GPC5: variants seen among roughly 807,000 people sequenced by gnomAD.
GPC5 encodes the protein glypican-5.
A neutral mutation model predicts 53.9 loss-of-function variants in GPC5; 47 were observed. That is an observed-to-expected ratio of 0.87 (90% CI 0.69 to 1.11). GPC5 has a LOEUF of 1.11. Among genes scored for constraint, GPC5 ranks in the 50% most tolerant of loss-of-function variants. GPC5 has a pLI of 0.00. For synonymous variants in GPC5, 286 were observed against 263.3 expected, an observed-to-expected ratio of 1.09 and a Z score of -0.84; for missense variants, 748 against 713.1, an observed-to-expected ratio of 1.05 and a Z score of -0.56.
intron 6 of GPC5, among the ~76,000 whole-genome samples, chr13:92,052,911 A>T (rs1272619547): frequency 6.6e-6 from 1 of 152,172 alleles, no homozygotes; most frequent in Non-Finnish European, 1.5e-5. Context: ...AGGGTCCCGA[A>T]AAGCAAAAGA....
At chr13:91,560,788 A>T (rs1045207046) in intron 2 of GPC5, among the ~76,000 whole-genome samples, 14 of 113,036 alleles carry the variant, frequency 1.2e-4, no homozygotes, top group East Asian at 3.1e-4. Context: ...TGTTATAATT[A>T]AAAAAAAAAT....
chr13:92,243,457 G>A (rs995105835), intron 7 of GPC5, among the ~76,000 whole-genome samples: 3 of 152,120 alleles, frequency 2.0e-5, no homozygotes, highest in African/African-American at 4.8e-5. Context: ...TAGGACAGAG[G>A]CGTGAGCATG....
At chr13:91,618,243 T>C (rs1271360426) in intron 2 of GPC5, among the ~76,000 whole-genome samples, 3 of 152,134 alleles carry the variant, frequency 2.0e-5, no homozygotes, top group Admixed American at 6.6e-5. Flanking sequence ...AGGAGAGGCA[T>C]GGGAGTTCAA....
chr13:92,146,517 T>G (rs1026679297), intron 7 of GPC5, among the ~76,000 whole-genome samples: 1 of 152,154 alleles, frequency 6.6e-6, no homozygotes, highest in African/African-American at 2.4e-5. Flanking sequence ...TTTATTATTT[T>G]TTAATTTCCT....
chr13:92,137,910 A>G (rs2041797654), intron 6 of GPC5, among the ~76,000 whole-genome samples: 1 of 152,172 alleles, frequency 6.6e-6, no homozygotes, highest in African/African-American at 2.4e-5. Flanking sequence ...AATGTAAACT[A>G]TGGATTCTGG....
At chr13:92,832,321 C>A (rs1878073727) in intron 7 of GPC5, among the ~76,000 whole-genome samples, 1 of 152,126 alleles carries the variant, frequency 6.6e-6, no homozygotes, top group South Asian at 2.1e-4. Context: ...TTGAGTTTGG[C>A]ATTAATTTGG....
At chr13:92,813,126 G>A (rs1319443312) in intron 7 of GPC5, among the ~76,000 whole-genome samples, 1 of 151,782 alleles carries the variant, frequency 6.6e-6, no homozygotes, top group Non-Finnish European at 1.5e-5. Flanking sequence ...TTACCATGCA[G>A]GACTGGTTTT....
At chr13:91,822,056 A>G (rs1417159298) in intron 5 of GPC5, among the ~76,000 whole-genome samples, 1 of 152,228 alleles carries the variant, frequency 6.6e-6, no homozygotes, top group Non-Finnish European at 1.5e-5. Context: ...AGCTCTGACT[A>G]CACCGTAGAG....
chr13:92,552,865 T>C (rs1221283714), intron 7 of GPC5, among the ~76,000 whole-genome samples: 1 of 151,996 alleles, frequency 6.6e-6, no homozygotes. Context: ...TTGAAACTTC[T>C]ATGTCTTCTT....
At position 92,828,747 on chromosome 13, in the gene GPC5, C is replaced by T. The variant is rs140657280; in HGVS notation, c.1562-37535C>T. On this transcript the variant is annotated intron_variant, in intron 7 of 7. Transcript: ENST00000377067. ...CCTTGAGAAAGTTAGCATAGTGTTC[C>T]GCCTCACATTCAAAGACGTCCACTA... Among the ~76,000 whole-genome samples, 17 of 152,094 alleles carry T rather than the reference C, an allele frequency of 1.1e-4. 1 individual carries two copies. Among genetic ancestry groups the T allele is most frequent in the South Asian group, 4.2e-4 (2 of 4,818 alleles).
intron 7 of GPC5, among the ~76,000 whole-genome samples, chr13:92,675,650 C>T (rs762457848): frequency 6.6e-6 from 1 of 151,528 alleles, no homozygotes; most frequent in Non-Finnish European, 1.5e-5. Flanking sequence ...TAAATAGAAA[C>T]AGCTATAGGA....
In GPC5 at chr13:92,361,039, A is replaced by G. The variant is rs919453363; in HGVS notation, c.1561+216050A>G. ...ACAAGGAATGCTGGACACTGAAATC[A>G]GAACTATTCTCTTAGTTGTAGCAGA... is the stretch of plus-strand genomic sequence containing the variant. On this transcript the variant is annotated intron_variant, in intron 7 of 7. Coordinates refer to ENST00000377067, the MANE Select transcript of GPC5 (RefSeq NM_004466.6). 1.8e-4 allele frequency among the ~76,000 whole-genome samples: 27 copies of G among 151,824 alleles called. 4 individuals carry two copies. Among genetic ancestry groups the G allele is most frequent in the African/African-American group, 6.1e-4 (25 of 41,080 alleles).
chr13:91,930,372 T>C (rs1244170755), intron 6 of GPC5, among the ~76,000 whole-genome samples: 1 of 152,082 alleles, frequency 6.6e-6, no homozygotes, highest in Non-Finnish European at 1.5e-5. Flanking sequence ...GGAATTCTTA[T>C]ATGAACTCTA....
intron 2 of GPC5, among the ~76,000 whole-genome samples, chr13:91,659,485 T>A (rs1193348618): frequency 6.6e-6 from 1 of 152,194 alleles, no homozygotes; most frequent in Non-Finnish European, 1.5e-5. Flanking sequence ...TCTGCTTACA[T>A]GTCCCTAAGC....
chr13:92,313,319 G>A (rs886123996), intron 7 of GPC5, among the ~76,000 whole-genome samples: 2 of 152,006 alleles, frequency 1.3e-5, no homozygotes, highest in African/African-American at 4.8e-5. Flanking sequence ...TGATTCCTGG[G>A]AACCATGCTG....
At chr13:92,210,524 T>G (rs925324383) in intron 7 of GPC5, among the ~76,000 whole-genome samples, 1 of 152,182 alleles carries the variant, frequency 6.6e-6, no homozygotes, top group Non-Finnish European at 1.5e-5. Flanking sequence ...CTATCTGTTA[T>G]CTTCAGGCGA....
intron 7 of GPC5, among the ~76,000 whole-genome samples, chr13:92,628,089 CTAAAAG>C (rs1341636028): frequency 6.6e-6 from 1 of 151,950 alleles, no homozygotes; most frequent in African/African-American, 2.4e-5. Context: ...ACACCCAACA[CTAAAAG>C]TAAGTGCTAA....
Position 91,577,448 on chromosome 13 carries a change from G to C in GPC5, c.326-115739G>C, listed in dbSNP as rs77196324. ...TACTTTGGAAAGAAGTCCCCTTGCA[G>C]AAGAGCCCTAGGGTCTGTGGACTTT... On this transcript the variant is annotated intron_variant, in intron 2 of 7. Coordinates refer to ENST00000377067, the MANE Select transcript of GPC5 (RefSeq NM_004466.6). Among the ~76,000 whole-genome samples, 428 of 152,270 alleles carry C rather than the reference G, an allele frequency of 2.8e-3. 3 individuals carry two copies. Among genetic ancestry groups the C allele is most frequent in the African/African-American group, 9.8e-3 (406 of 41,558 alleles).
At chr13:91,717,643 AC>A (rs1185289278) in intron 3 of GPC5, among the ~76,000 whole-genome samples, 1 of 151,662 alleles carries the variant, frequency 6.6e-6, no homozygotes, top group African/African-American at 2.4e-5. Context: ...TGCAACCTCC[AC>A]CTCCGGGATT....
Sources: allele counts gnomAD v4.1 joint callset (sites outside exome capture counted in the v4.1 genomes callset), GRCh38; gene constraint gnomAD v4.1.1; transcripts MANE v1.5; gene names NCBI Gene and HGNC (gene_info 2026-07-23, HGNC 2026-07-21).